Variants in TMOD1 observed in about 807,000 individuals in gnomAD.
TMOD1 encodes the protein tropomodulin 1.
TMOD1 carries 17 observed loss-of-function variants against 40.6 expected under a neutral mutation model. The ratio of observed to expected loss-of-function variants is 0.42; its 90% CI spans 0.29 to 0.63. The LOEUF (loss-of-function observed/expected upper bound fraction) is 0.63, where lower values mean the gene tolerates loss of function less well. Among genes scored for constraint, TMOD1 ranks in the 20% least tolerant of loss-of-function variants. The pLI, the probability that TMOD1 is intolerant of heterozygous loss-of-function variation, is 0.22. For missense variants in TMOD1, 391 were observed against 447.6 expected (o/e 0.87, Z 1.14); for synonymous variants, 181 against 175.0 (o/e 1.03, Z -0.27).
chr9:97,524,908 C>G (rs145301979), intron 2 of TMOD1, among the ~76,000 whole-genome samples: 1 of 152,058 alleles, frequency 6.6e-6, no homozygotes, highest in Non-Finnish European at 1.5e-5. Context: ...TCTACTGATT[C>G]AAATATTGGT....
chr9:97,555,229 T>C (rs1163995861), intron 4 of TMOD1, among the ~76,000 whole-genome samples: 1 of 152,166 alleles, frequency 6.6e-6, no homozygotes, highest in Non-Finnish European at 1.5e-5. Context: ...TACATCACAC[T>C]TCAACCAAAC....
At chr9:97,598,904 C>G (rs1470241438) in intron 9 of TMOD1, among the ~76,000 whole-genome samples, 1 of 152,188 alleles carries the variant, frequency 6.6e-6, no homozygotes, top group Admixed American at 6.5e-5. Flanking sequence ...TGACCTTTCT[C>G]TTGTGGCTCA....
intron 2 of TMOD1, among the ~76,000 whole-genome samples, chr9:97,534,095 G>C (rs1022434938): frequency 6.6e-5 from 10 of 152,226 alleles, no homozygotes; most frequent in African/African-American, 2.4e-4. Flanking sequence ...AAAGTTACCA[G>C]AAATTGCCAC....
chr9:97,532,618 TA>T (rs879305699), intron 2 of TMOD1, among the ~76,000 whole-genome samples: 217 of 144,754 alleles, frequency 1.5e-3, no homozygotes, highest in Middle Eastern at 7.1e-3. Flanking sequence ...TGATCATTCT[TA>T]AAAAAAAAAA....
intron 3 of TMOD1, among the ~76,000 whole-genome samples, chr9:97,548,064 GC>G (rs1436534786): frequency 5.3e-5 from 8 of 152,162 alleles, no homozygotes; most frequent in African/African-American, 9.7e-5. Context: ...TAAATCCGTA[GC>G]ACATAGAAGG....
At chr9:97,555,642 A>T in intron 4 of TMOD1, 1 of 1,551,088 alleles carries the variant, frequency 6.4e-7, no homozygotes, top group Non-Finnish European at 8.7e-7. Flanking sequence ...TGGACATTTG[A>T]AAGATGGCAG....
chr9:97,532,538 G>C (rs948441485), intron 2 of TMOD1, among the ~76,000 whole-genome samples: 36 of 152,138 alleles, frequency 2.4e-4, no homozygotes, highest in African/African-American at 8.4e-4. Flanking sequence ...ACACATAGGA[G>C]AGTACAGTAT....
At chr9:97,553,692 C>T (rs1365032156) in intron 4 of TMOD1, among the ~76,000 whole-genome samples, 1 of 152,160 alleles carries the variant, frequency 6.6e-6, no homozygotes, top group African/African-American at 2.4e-5. Context: ...CTTTCCCAGC[C>T]ATTAGCGTTG....
rs1398477097 is a variant in TMOD1, at chr9:97,502,822, G to A, written c.-49+1019G>A. ...GGCAAAGCAGCCTGTGAGCCACGCA[G>A]CTTCAGATGCGATGAGCTGGGCAGG... On this transcript the variant is annotated intron_variant, in intron 1 of 9. Coordinates refer to ENST00000259365, the MANE Select transcript of TMOD1 (RefSeq NM_003275.4). This position sits in a 1 kb window ranked among gnomAD's most constrained non-coding sequence, Gnocchi z 6.1. Among the ~76,000 whole-genome samples, 1 of 152,212 alleles carries A rather than the reference G, an allele frequency of 6.6e-6. No homozygotes were observed. Among genetic ancestry groups the A allele is most frequent in the African/African-American group, 2.4e-5 (1 of 41,448 alleles).
intron 1 of TMOD1, among the ~76,000 whole-genome samples, chr9:97,518,308 C>T (rs1323008225): frequency 6.6e-6 from 1 of 152,222 alleles, no homozygotes; most frequent in Non-Finnish European, 1.5e-5. Flanking sequence ...GGAGCCTCTG[C>T]CGGCCAAGGA....
chr9:97,568,970 GGAT>G lies in TMOD1; in HGVS notation c.804_806del (p.Ile269del). The G allele has an allele frequency of 6.2e-7, 1 of 1,614,158 alleles. No homozygotes were observed. Among genetic ancestry groups the G allele is most frequent in the Non-Finnish European group, 8.5e-7 (1 of 1,180,028 alleles). On this transcript the variant is annotated inframe_deletion, in exon 8 of 10. Transcript: ENST00000259365. ...GAATCCAACTTCATTTCTGGAGCTG[GGAT>G]TCTGCGCCTGGTAGAAGCCCTCCCA...
chr9:97,516,977 C>T (rs115017859), intron 1 of TMOD1, among the ~76,000 whole-genome samples: 3,111 of 152,040 alleles, frequency 0.02, 105 homozygotes, highest in African/African-American at 0.071. Context: ...GTTAAAATGG[C>T]AAATTTTATG....
At chr9:97,521,360 G>C (rs951196438) in intron 1 of TMOD1, among the ~76,000 whole-genome samples, 2 of 152,112 alleles carry the variant, frequency 1.3e-5, no homozygotes, top group Non-Finnish European at 2.9e-5. Flanking sequence ...AAACCCGTTT[G>C]AGCACCAAAA....
chr9:97,555,714 G>T (rs1203232166), intron 4 of TMOD1: 1 of 1,541,082 alleles, frequency 6.5e-7, no homozygotes, highest in South Asian at 1.2e-5. Context: ...GGTTCTATGT[G>T]AGTTGCTCTC....
In TMOD1 at chr9:97,514,240, T is replaced by TGG. The variant is rs542229716; in HGVS notation, c.-48-9892_-48-9891dup. Among the ~76,000 whole-genome samples the TGG allele has an allele frequency of 2.7e-3, 238 of 87,854 alleles. 1 individual carries two copies. The highest frequency in any genetic ancestry group is 9.7e-3 in the East Asian group (30 of 3,094). The allele number at this position is 87,854 out of a possible 152,430, so 57.6% of individuals were successfully genotyped here. ...CCACACCTGGCTAATGTTTTTTTTTTGGGGGGGGGGTTGTGTTTTCTTTTT... is the reference window on the plus strand; with the variant it reads ...CCACACCTGGCTAATGTTTTTTTTTTGGGGGGGGGGGGTTGTGTTTTCTTTTT... On this transcript the variant is annotated intron_variant, in intron 1 of 9. Coordinates refer to ENST00000259365, the MANE Select transcript of TMOD1 (RefSeq NM_003275.4).
chr9:97,508,196 C>G, intron 1 of TMOD1, among the ~76,000 whole-genome samples: 1 of 146,778 alleles, frequency 6.8e-6, no homozygotes, highest in East Asian at 2.0e-4. Context: ...TTCTTTCTTT[C>G]TTTTTTTTTT....
At position 97,569,044 on chromosome 9, in the gene TMOD1, T is replaced by C. The variant is rs779035024; in HGVS notation, c.870+7T>C. The C allele has an allele frequency of 6.2e-7, 1 of 1,613,980 alleles. No individual in the cohort carries two copies. The highest frequency in any genetic ancestry group is 8.5e-7 in the Non-Finnish European group (1 of 1,179,930). On this transcript the variant is annotated splice_region_variant and intron_variant, in intron 8 of 9. Transcript: ENST00000259365. ...AATGAAAATTGACAACCAGGTGAGA[T>C]GGGCAACGGTCTCCTCAGGTCTGTT...
At chr9:97,538,675 T>C (rs1187329044) in intron 2 of TMOD1, among the ~76,000 whole-genome samples, 1 of 152,174 alleles carries the variant, frequency 6.6e-6, no homozygotes, top group Non-Finnish European at 1.5e-5. Context: ...GATTACCATG[T>C]GTTTAGTGAA....
intron 2 of TMOD1, 67 bp downstream of exon 2, chr9:97,524,375 C>T (rs961994823): frequency 1.6e-5 from 24 of 1,546,432 alleles, no homozygotes; most frequent in Admixed American, 8.2e-5. Flanking sequence ...CAGGTGGATG[C>T]TTCCTAAAGC....
Sources: gnomAD v4.1 joint callset for allele counts (sites outside exome capture counted in the v4.1 genomes callset) on GRCh38, gnomAD v4.1.1 for gene constraint, Gnocchi (gnomAD v3.1) non-coding constraint, MANE v1.5 for transcripts, NCBI Gene and HGNC (gene_info 2026-07-23, HGNC 2026-07-21) for gene names.